Variants in IMMT observed in about 807,000 individuals in gnomAD.
The protein encoded by IMMT is inner membrane mitochondrial protein, also known as MICOS complex subunit MIC60.
In IMMT, 40 loss-of-function variants were observed where a neutral mutation model predicts 92.7. The observed-to-expected ratio is 0.43, with a 90% confidence interval of 0.34 to 0.56. IMMT has a LOEUF of 0.56. Among genes scored for constraint, IMMT ranks in the 20% least tolerant of loss-of-function variants. IMMT has a pLI of 0.03. For synonymous variants in IMMT, 322 were observed against 336.1 expected, an observed-to-expected ratio of 0.96 and a Z score of 0.46; for missense variants, 831 against 912.1, an observed-to-expected ratio of 0.91 and a Z score of 1.14.
Position 86,158,697 on chromosome 2 carries a change from T to C in IMMT, c.1057A>G (p.Lys353Glu). Residue 353 changes from lysine (K) to glutamate (E), a missense_variant, in exon 10 of 15, where the codon AAG (lysine) becomes GAG (glutamate). Transcript: ENST00000410111. ...KKVQAAQSEAKVVSQYHELVV... is the reference protein window; with the variant it reads ...KKVQAAQSEAEVVSQYHELVV... ...AGCTCATGATACTGAGATACAACCTTAGCCTCAGACTGAGCTGCTTGGACC... is the reference window on the plus strand; with the variant it reads ...AGCTCATGATACTGAGATACAACCTCAGCCTCAGACTGAGCTGCTTGGACC... The C allele has an allele frequency of 6.2e-7, 1 of 1,606,922 alleles. No individual in the cohort carries two copies. The highest frequency in any genetic ancestry group is 8.5e-7 in the Non-Finnish European group (1 of 1,176,410).
chr2:86,180,121 A>T lies in IMMT; in HGVS notation c.120-499T>A, dbSNP rs76512898. ...TAAATAAAAGTATGAATAACTAAAA[A>T]TTTTTTTTAAATACAATATCTAGAA... On this transcript the variant is annotated intron_variant, in intron 2 of 14. Coordinates refer to ENST00000410111, the MANE Select transcript of IMMT (RefSeq NM_006839.3). Among the ~76,000 whole-genome samples, 635 of 152,224 alleles carry T rather than the reference A, an allele frequency of 4.2e-3. 19 individuals are homozygous for T. The East Asian group carries it at 0.089, about 21-fold the overall frequency.
intron 1 of IMMT, among the ~76,000 whole-genome samples, chr2:86,186,971 T>C (rs1672819822): frequency 6.6e-6 from 1 of 152,214 alleles, no homozygotes; most frequent in Non-Finnish European, 1.5e-5. Flanking sequence ...TGTGTGTATC[T>C]AGCTCTGGCT....
chr2:86,151,762 C>CTT (rs1675482504), intron 11 of IMMT, among the ~76,000 whole-genome samples: 1 of 152,206 alleles, frequency 6.6e-6, no homozygotes, highest in African/African-American at 2.4e-5. Flanking sequence ...CAGGAACCCT[C>CTT]TTTTAATCTG....
intron 11 of IMMT, among the ~76,000 whole-genome samples, chr2:86,152,518 T>C (rs569360550): frequency 4.7e-4 from 71 of 151,290 alleles, no homozygotes; most frequent in African/African-American, 1.7e-3. Context: ...CCCAGCACTT[T>C]AAGAGGCCGA....
intron 7 of IMMT, among the ~76,000 whole-genome samples, chr2:86,162,525 T>TA (rs1396707821): frequency 2.0e-5 from 3 of 151,756 alleles, no homozygotes; most frequent in African/African-American, 7.3e-5. Flanking sequence ...AGGTGACTCT[T>TA]ACGGTATGTG....
chr2:86,161,980 C>T lies in IMMT; in HGVS notation c.892G>A (p.Ala298Thr). The T allele has an allele frequency of 6.3e-7, 1 of 1,589,314 alleles. No individual in the cohort carries two copies. Among genetic ancestry groups the T allele is most frequent in the Non-Finnish European group, 8.6e-7 (1 of 1,166,772 alleles). The change falls in exon 8 of 15, where the codon GCC becomes ACC. Residue 298 changes from alanine (A) to threonine (T), a missense_variant. Ala to Thr is a moderately conservative substitution (Grantham distance 58). Transcript: ENST00000410111. Reference protein sequence around the residue: ...VDEAADALLKAKEELEKMKSV... With the variant: ...VDEAADALLKTKEELEKMKSV... ...TTAAAGTCCATGAGTAATTACTTGGCTTTGAGAAGGGCATCGGCAGCTTCA... is the reference window on the plus strand; with the variant it reads ...TTAAAGTCCATGAGTAATTACTTGGTTTTGAGAAGGGCATCGGCAGCTTCA...
chr2:86,177,234 TG>T (rs1248963507), intron 3 of IMMT, among the ~76,000 whole-genome samples: 2 of 143,636 alleles, frequency 1.4e-5, no homozygotes, highest in Non-Finnish European at 3.0e-5. Context: ...CAAAAATCCA[TG>T]CTCTTTTACA....
In IMMT at chr2:86,170,838, GCTT is replaced by G; in HGVS notation, c.563_565del (p.Glu188del). On this transcript the variant is annotated inframe_deletion, in exon 6 of 15. Coordinates refer to ENST00000410111, the MANE Select transcript of IMMT (RefSeq NM_006839.3). Reference sequence around the variant, plus strand: ...TCGCTCCCTTATAGAAGATGAGGATGCTTCTTCTTGCAGCAAAAGTAAATAAGA... The same window carrying G: ...TCGCTCCCTTATAGAAGATGAGGATGCTTCTTGCAGCAAAAGTAAATAAGA... The G allele has an allele frequency of 6.4e-7, 1 of 1,572,632 alleles. No homozygotes were observed. The highest frequency in any genetic ancestry group is 8.7e-7 in the Non-Finnish European group (1 of 1,156,048).
intron 4 of IMMT, among the ~76,000 whole-genome samples, chr2:86,172,028 C>G (rs1364864322): frequency 6.9e-6 from 1 of 145,282 alleles, no homozygotes; most frequent in African/African-American, 2.6e-5. Context: ...AATAGTGGCA[C>G]TATCATGGCT....
chr2:86,187,835 C>A (rs1672872176), intron 1 of IMMT, among the ~76,000 whole-genome samples: 1 of 151,570 alleles, frequency 6.6e-6, no homozygotes, highest in African/African-American at 2.4e-5. Context: ...TCCCTTGAAC[C>A]CAGGAGGTAG....
intron 1 of IMMT, among the ~76,000 whole-genome samples, chr2:86,190,082 C>T (rs562637050): frequency 1.3e-5 from 2 of 152,234 alleles, no homozygotes; most frequent in South Asian, 4.2e-4. Context: ...TAGTAAGTTA[C>T]GGCGTAAGAT....
At position 86,144,828 on chromosome 2, in the gene IMMT, C is replaced by T; in HGVS notation, c.1717G>A (p.Val573Met). 6.2e-7 allele frequency: 1 copy of T among 1,611,262 alleles called. No homozygotes were observed. The highest frequency in any genetic ancestry group is 1.1e-5 in the South Asian group (1 of 90,856). ...TTCATGCTGTACTTTAATGCCTCCA[C>T]TGAAAGCCAGAGTTGGTGGGCTTTT... is the stretch of plus-strand genomic sequence containing the variant. ...ARKAHQLWLS[V>M]EALKYSMKTS... The change falls in exon 15 of 15, where the codon GTG (valine) becomes ATG (methionine). Residue 573 changes from valine to methionine, a missense_variant. Physicochemically the swap from Val to Met is conservative, Grantham distance 21 (BLOSUM62 1). Coordinates refer to ENST00000410111, the MANE Select transcript of IMMT (RefSeq NM_006839.3).
intron 10 of IMMT, chr2:86,158,260 T>C: frequency 5.5e-6 from 1 of 180,344 alleles, no homozygotes; most frequent in East Asian, 1.2e-4. Context: ...ACATATACAA[T>C]AATATTTCAG....
chr2:86,158,507 G>A, intron 10 of IMMT, 85 bp downstream of exon 10: 1 of 1,130,378 alleles, frequency 8.8e-7, no homozygotes, highest in Non-Finnish European at 1.3e-6. Flanking sequence ...GAGGGATGTG[G>A]ACTACAATGG....
chr2:86,158,822 G>T (rs1479264766), intron 9 of IMMT, 101 bp from the exon 10 acceptor site: 4 of 1,004,170 alleles, frequency 4.0e-6, no homozygotes, highest in Non-Finnish European at 5.8e-6. Context: ...CATTTTGTTG[G>T]AAATGTGTAA....
At chr2:86,181,941 C>A (rs1672464107) in intron 1 of IMMT, among the ~76,000 whole-genome samples, 1 of 152,102 alleles carries the variant, frequency 6.6e-6, no homozygotes, top group Non-Finnish European at 1.5e-5. Context: ...AGTCTAAAAG[C>A]CAACCATTTT....
chr2:86,150,146 A>G (rs996430128), intron 12 of IMMT, among the ~76,000 whole-genome samples: 1 of 152,192 alleles, frequency 6.6e-6, no homozygotes, highest in African/African-American at 2.4e-5. Context: ...GAGAGAATAA[A>G]TAAATCTGTT....
At chr2:86,188,350 G>A (rs890828023) in intron 1 of IMMT, among the ~76,000 whole-genome samples, 3 of 152,036 alleles carry the variant, frequency 2.0e-5, no homozygotes, top group Non-Finnish European at 4.4e-5. Flanking sequence ...TGCTTTGGAT[G>A]AATGGCTATT....
chr2:86,166,133 T>C (rs1021177749), intron 7 of IMMT, among the ~76,000 whole-genome samples: 6 of 152,124 alleles, frequency 3.9e-5, no homozygotes, highest in African/African-American at 7.2e-5. Flanking sequence ...AGAGTTCCAG[T>C]CCAGCCTGGC....
Sources: gnomAD v4.1 joint callset for allele counts (sites outside exome capture counted in the v4.1 genomes callset) on GRCh38, gnomAD v4.1.1 for gene constraint, MANE v1.5 for transcripts, NCBI Gene and HGNC (gene_info 2026-07-23, HGNC 2026-07-21) for gene names.